The following TMEM178A variants were observed in gnomAD, a reference collection of about 807,000 sequenced individuals.
The protein encoded by TMEM178A is transmembrane protein 178.
In TMEM178A, 12 loss-of-function variants were observed where a neutral mutation model predicts 29.1. The observed-to-expected ratio is 0.41, with a 90% confidence interval of 0.26 to 0.67. The LOEUF is 0.67. TMEM178A is among the 30% of genes least tolerant of loss of function. TMEM178A has a pLI of 0.29. For synonymous variants in TMEM178A, 210 were observed against 187.2 expected (o/e 1.12, Z -0.99); for missense variants, 366 against 419.1 (o/e 0.87, Z 1.11).
chr2:39,670,871 A>G (rs1670382381), intron 1 of TMEM178A, among the ~76,000 whole-genome samples: 1 of 152,214 alleles, frequency 6.6e-6, no homozygotes, highest in Non-Finnish European at 1.5e-5. Context: ...ATTAAAAACA[A>G]TTAACATTAT....
At chr2:39,713,097 C>A (rs750536258) in intron 3 of TMEM178A, among the ~76,000 whole-genome samples, 1 of 152,134 alleles carries the variant, frequency 6.6e-6, no homozygotes, top group Non-Finnish European at 1.5e-5. Context: ...TCCCTATGAC[C>A]TTTTCCTGAG....
chr2:39,671,178 A>G (rs528462186), intron 1 of TMEM178A, among the ~76,000 whole-genome samples: 8 of 152,206 alleles, frequency 5.3e-5, no homozygotes, highest in Non-Finnish European at 8.8e-5. Flanking sequence ...TGTTCTCTAT[A>G]AGAAAAGCAA....
chr2:39,667,368 T>C (rs1402902478), intron 1 of TMEM178A, among the ~76,000 whole-genome samples: 5 of 150,510 alleles, frequency 3.3e-5, no homozygotes, highest in Non-Finnish European at 7.4e-5. Context: ...CCCATTCACG[T>C]AAAAATATTC....
At chr2:39,703,897 A>G (rs779557212) in intron 1 of TMEM178A, among the ~76,000 whole-genome samples, 184 bp from the exon 2 acceptor site, 1 of 152,224 alleles carries the variant, frequency 6.6e-6, no homozygotes, top group Non-Finnish European at 1.5e-5. Flanking sequence ...ACAATTTAAT[A>G]CATTAAAAAA....
chr2:39,710,819 C>T (rs1294017748), intron 3 of TMEM178A, among the ~76,000 whole-genome samples: 1 of 152,232 alleles, frequency 6.6e-6, no homozygotes, highest in African/African-American at 2.4e-5. Context: ...CATCTTCATT[C>T]TGTGCCTGAA....
chr2:39,734,348 TTTTC>T, the TMEM178A span, among the ~76,000 whole-genome samples: 2 of 152,212 alleles, frequency 1.3e-5, no homozygotes, highest in African/African-American at 2.4e-5. Flanking sequence ...CCACACTAGG[TTTTC>T]TTTCTATTTC....
chr2:39,667,451 A>G (rs886076958), intron 1 of TMEM178A, among the ~76,000 whole-genome samples: 12 of 37,388 alleles, frequency 3.2e-4, no homozygotes, highest in African/African-American at 2.0e-3. Context: ...CTTTGAGATT[A>G]AAAAAAAAAA....
rs1383663196 is a variant in TMEM178A, at chr2:39,666,178, G to A, written c.204G>A (p.Arg68=). 1 of 1,471,404 alleles carries A rather than the reference G, an allele frequency of 6.8e-7. No individual in the cohort carries two copies. The highest frequency in any genetic ancestry group is 3.0e-5 in the East Asian group (1 of 32,972). The allele number at this position is 1,471,404 out of a possible 1,614,324, so 91.1% of individuals were successfully genotyped here. Residue 68 remains arginine, a synonymous_variant, in exon 1 of 4, where the codon CGG becomes CGA. Coordinates refer to ENST00000281961, the MANE Select transcript of TMEM178A (RefSeq NM_152390.3). ...RLMPLSHLPL[R]DSPPLGRRLL... ...TGCCGCTGTCGCACCTGCCGCTGCG[G>A]GACTCGCCCCCGCTGGGGCGCCGGC... is the stretch of plus-strand genomic sequence containing the variant.
At chr2:39,709,323 G>C (rs189210836) in intron 3 of TMEM178A, among the ~76,000 whole-genome samples, 1 of 152,146 alleles carries the variant, frequency 6.6e-6, no homozygotes, top group Non-Finnish European at 1.5e-5. Flanking sequence ...TGGAATGTGG[G>C]GCATCATCAC....
intron 1 of TMEM178A, among the ~76,000 whole-genome samples, chr2:39,690,692 GAAA>G (rs1671274972): frequency 6.6e-6 from 1 of 152,112 alleles, no homozygotes; most frequent in South Asian, 2.1e-4. Context: ...AAGAATCAAG[GAAA>G]CTTAACACTA....
intron 1 of TMEM178A, among the ~76,000 whole-genome samples, chr2:39,674,930 C>T (rs548637090): frequency 4.6e-5 from 7 of 152,146 alleles, no homozygotes; most frequent in African/African-American, 1.7e-4. Context: ...AAAGGAATTT[C>T]AAGCAGTGAT....
At chr2:39,719,730 T>C (rs1266756550), downstream of TMEM178A, among the ~76,000 whole-genome samples, 2 of 152,124 alleles carry the variant, frequency 1.3e-5, no homozygotes, top group Admixed American at 1.3e-4. Flanking sequence ...ACACCCCCCT[T>C]TTTAACAGAC....
chr2:39,724,462 C>T, the TMEM178A span, among the ~76,000 whole-genome samples: 1 of 152,116 alleles, frequency 6.6e-6, no homozygotes, highest in Non-Finnish European at 1.5e-5. Flanking sequence ...ACTTTTATTT[C>T]CTTTATCCAA....
chr2:39,711,247 C>A (rs1331629764), intron 3 of TMEM178A, among the ~76,000 whole-genome samples: 5 of 152,172 alleles, frequency 3.3e-5, no homozygotes, highest in African/African-American at 1.2e-4. Context: ...ATGAATATTT[C>A]CACCTACATT....
intron 1 of TMEM178A, among the ~76,000 whole-genome samples, chr2:39,673,768 G>T (rs2148056553): frequency 6.6e-6 from 1 of 152,352 alleles, no homozygotes; most frequent in African/African-American, 2.4e-5. Context: ...TGGATGGGAG[G>T]CTATACTGGG....
At chr2:39,693,745 C>G (rs1235847346) in intron 1 of TMEM178A, among the ~76,000 whole-genome samples, 3 of 152,110 alleles carry the variant, frequency 2.0e-5, no homozygotes, top group African/African-American at 7.2e-5. Flanking sequence ...GATAAGTCAC[C>G]AACTGTATGC....
At chr2:39,725,917 C>T in the TMEM178A span, among the ~76,000 whole-genome samples, 10 of 152,172 alleles carry the variant, frequency 6.6e-5, no homozygotes, top group Admixed American at 3.9e-4. Context: ...AAATGAATGA[C>T]CAGTTGTGTT....
intron 1 of TMEM178A, among the ~76,000 whole-genome samples, chr2:39,685,687 T>C (rs1027795656): frequency 2.0e-5 from 3 of 152,190 alleles, no homozygotes; most frequent in African/African-American, 7.2e-5. Flanking sequence ...CCTGGTCTCT[T>C]GTACTACTTG....
intron 3 of TMEM178A, among the ~76,000 whole-genome samples, chr2:39,716,205 A>G (rs566909537): frequency 1.2e-4 from 18 of 152,362 alleles, no homozygotes; most frequent in African/African-American, 4.1e-4. Flanking sequence ...TTGAGGGTCC[A>G]TTGCGGTGGA....
Sources: gnomAD v4.1 joint callset for allele counts (sites outside exome capture counted in the v4.1 genomes callset) on GRCh38, gnomAD v4.1.1 for gene constraint, MANE v1.5 for transcripts, NCBI Gene and HGNC (gene_info 2026-07-23, HGNC 2026-07-21) for gene names.